ZNF709: variants seen among roughly 807,000 people sequenced by gnomAD.
The protein encoded by ZNF709 is zinc finger protein 709.
A neutral mutation model predicts 10.6 loss-of-function variants in ZNF709; 15 were observed. That is an observed-to-expected ratio of 1.41 (90% CI 0.95 to 2.18). ZNF709 has a LOEUF of 2.18. ZNF709 is among the 30% of genes most tolerant of loss of function. ZNF709 has a pLI of 0.00. For synonymous variants in ZNF709, 194 were observed against 238.8 expected (o/e 0.81, Z 1.73); for missense variants, 589 against 774.0 (o/e 0.76, Z 2.84).
chr19:12,473,185 G>A (rs1448094938), intron 1 of ZNF709, among the ~76,000 whole-genome samples: 2 of 152,172 alleles, frequency 1.3e-5, no homozygotes, highest in Admixed American at 6.5e-5. Context: ...CAAAACAATA[G>A]GATCAGTATT....
At chr19:12,470,304 C>T (rs1456854416) in intron 1 of ZNF709, among the ~76,000 whole-genome samples, 2 of 152,134 alleles carry the variant, frequency 1.3e-5, no homozygotes, top group Non-Finnish European at 2.9e-5. Context: ...CTAGAATTTA[C>T]CTATTTGGTA....
At chr19:12,479,116 A>G (rs963719898) in intron 1 of ZNF709, among the ~76,000 whole-genome samples, 1 of 152,106 alleles carries the variant, frequency 6.6e-6, no homozygotes, top group Non-Finnish European at 1.5e-5. Context: ...TAGCCTGAGC[A>G]ACATAGTAAG....
chr19:12,465,840 T>G (rs1970566000), intron 3 of ZNF709, 107 bp from the exon 4 acceptor site: 1 of 944,922 alleles, frequency 1.1e-6, no homozygotes, highest in Non-Finnish European at 1.4e-6. Context: ...AGAATTACAC[T>G]TTTGCCATTT....
chr19:12,462,311 C>A lies in ZNF709; in HGVS notation c.*1685G>T, dbSNP rs1479476999. The A allele has an allele frequency of 6.6e-6, 1 of 152,190 alleles. No homozygotes were observed. Among genetic ancestry groups the A allele is most frequent in the Non-Finnish European group, 1.5e-5 (1 of 68,046 alleles). 9.4% of individuals were successfully genotyped at this position (152,190 alleles called of 1,614,324 possible). A position where few individuals can be genotyped will look rare whatever the true frequency, so the allele number is the denominator to read the frequency against. ...CTTTCTTCACTTCTGCCTTCCATATCTCCTGCAAGTAGGCTATTGGTGAAT... is the reference window on the plus strand; with the variant it reads ...CTTTCTTCACTTCTGCCTTCCATATATCCTGCAAGTAGGCTATTGGTGAAT... On this transcript the variant is annotated 3_prime_UTR_variant, in exon 4 of 4. Transcript: ENST00000397732.
chr19:12,470,554 C>G (rs1201090052), intron 1 of ZNF709, among the ~76,000 whole-genome samples: 1 of 152,142 alleles, frequency 6.6e-6, no homozygotes, highest in African/African-American at 2.4e-5. Context: ...ATTCTGTGGT[C>G]TCCAAACATT....
At chr19:12,465,844 G>C in intron 3 of ZNF709, 111 bp from the exon 4 acceptor site, 2 of 879,990 alleles carry the variant, frequency 2.3e-6, no homozygotes, top group Non-Finnish European at 3.1e-6. Context: ...TTACACTTTT[G>C]CCATTTTCAG....
chr19:12,464,004 C>T lies in ZNF709; in HGVS notation c.1918G>A (p.Gly640Arg), dbSNP rs368416605. The change falls in exon 4 of 4, where the codon GGA becomes AGA. Residue 640 changes from glycine (G) to arginine (R), a missense_variant. Transcript: ENST00000397732. Reference protein sequence around the residue: ...SFRIHERVHSGE With the variant: ...SFRIHERVHSRE ...TGCTTATATACATAGGGTTACTCTC[C>T]ACTATGAACTCTTTCATGTATTCGA... The T allele has an allele frequency of 1.1e-5, 17 of 1,481,568 alleles. No homozygotes were observed. The highest frequency in any genetic ancestry group is 1.5e-5 in the Non-Finnish European group (17 of 1,117,160). 91.8% of individuals were successfully genotyped at this position (1,481,568 alleles called of 1,614,324 possible).
At chr19:12,471,398 C>T (rs750771428) in intron 1 of ZNF709, among the ~76,000 whole-genome samples, 10 of 152,072 alleles carry the variant, frequency 6.6e-5, no homozygotes, top group Non-Finnish European at 1.3e-4. Context: ...TTCTACAAAT[C>T]CCTAAAATAG....
chr19:12,479,780 G>A lies in ZNF709; in HGVS notation c.3+4875C>T, dbSNP rs180921469. Among the ~76,000 whole-genome samples, 334 of 152,260 alleles carry A rather than the reference G, an allele frequency of 2.2e-3. 1 individual carries two copies. The highest frequency in any genetic ancestry group is 3.7e-3 in the Non-Finnish European group (250 of 68,018). On this transcript the variant is annotated intron_variant, in intron 1 of 3. Transcript: ENST00000397732. The stretch of plus-strand genomic sequence containing the variant: ...AGCTACTCGCGAGGCTGAGGCAGGG[G>A]AATTGCTTGAACCTGGGAGTAGGAG...
rs1333516320 is a variant in ZNF709, at chr19:12,462,339, T to C, written c.*1657A>G. 6.6e-6 allele frequency: 1 copy of C among 152,230 alleles called. No individual in the cohort carries two copies. The highest frequency in any genetic ancestry group is 2.4e-5 in the African/African-American group (1 of 41,448). The allele number at this position is 152,230 out of a possible 1,614,324, so 9.4% of individuals were successfully genotyped here. On this transcript the variant is annotated 3_prime_UTR_variant, in exon 4 of 4. Transcript: ENST00000397732. ...CTGCAAGTAGGCTATTGGTGAATTA[T>C]ACCGTGGAGCCATAAAAGGTTAGAT...
At position 12,465,166 on chromosome 19, in the gene ZNF709, A is replaced by G; in HGVS notation, c.756T>C (p.Tyr252=). The G allele has an allele frequency of 6.2e-7, 1 of 1,613,666 alleles. No homozygotes were observed. The change falls in exon 4 of 4, where the codon TAT becomes TAC. Residue 252 remains tyrosine, a synonymous_variant. Transcript: ENST00000397732. The part of the protein sequence containing the change: ...HERTHSGEKP[Y]ECKQCGKAFR... ...AAGCTTTTCCACATTGTTTACATTC[A>G]TAGGGTTTCTCTCCAGAGTGAGTTC...
chr19:12,465,037 A>G lies in ZNF709; in HGVS notation c.885T>C (p.Phe295=). 1.9e-6 allele frequency: 3 copies of G among 1,612,548 alleles called. No individual in the cohort carries two copies. Among genetic ancestry groups the G allele is most frequent in the South Asian group, 2.2e-5 (2 of 90,666 alleles). The change falls in exon 4 of 4, where the codon TTT becomes TTC. Residue 295 remains phenylalanine (F), a synonymous_variant. Coordinates refer to ENST00000397732, the MANE Select transcript of ZNF709 (RefSeq NM_152601.4). ...CGKALSCPTS[F]RSHERIHTGE... is the part of the protein sequence containing the mutation. Reference sequence around the variant, plus strand: ...CAGTGTGAATCCTTTCATGACTTCGAAAGGATGTGGGACAACTAAGAGCTT... The same window carrying G: ...CAGTGTGAATCCTTTCATGACTTCGGAAGGATGTGGGACAACTAAGAGCTT...
chr19:12,467,763 G>C, intron 1 of ZNF709, among the ~76,000 whole-genome samples: 1 of 151,198 alleles, frequency 6.6e-6, no homozygotes, highest in South Asian at 2.1e-4. Context: ...GCCCCGTCTG[G>C]GATGTGAGGA....
At chr19:12,480,908 T>C (rs1599636566) in intron 1 of ZNF709, among the ~76,000 whole-genome samples, 1 of 152,006 alleles carries the variant, frequency 6.6e-6, no homozygotes, top group South Asian at 2.1e-4. Context: ...GCCTCCTGAG[T>C]AGCTGGGACT....
At chr19:12,475,254 T>A in intron 1 of ZNF709, among the ~76,000 whole-genome samples, 1 of 38,284 alleles carries the variant, frequency 2.6e-5, no homozygotes, top group Non-Finnish European at 7.1e-5. Context: ...TGAGATTCCG[T>A]CTTAAAAAAA....
chr19:12,463,974 CATATTGCTT>C lies in ZNF709; in HGVS notation c.*13_*21del. ...GAAATAGGACAACTGAAAACTTTGC[CATATTGCTT>C]ATATACATAGGGTTACTCTCCACTA... On this transcript the variant is annotated 3_prime_UTR_variant, in exon 4 of 4. Transcript: ENST00000397732. 1 of 1,347,930 alleles carries C rather than the reference CATATTGCTT, an allele frequency of 7.4e-7. No homozygotes were observed. The allele number at this position is 1,347,930 out of a possible 1,614,324, so 83.5% of individuals were successfully genotyped here.
intron 1 of ZNF709, among the ~76,000 whole-genome samples, chr19:12,482,192 C>T (rs902279815): frequency 2.0e-5 from 3 of 151,660 alleles, no homozygotes; most frequent in African/African-American, 7.3e-5. Context: ...CACGCTCCCT[C>T]TCCCTCTCCC....
intron 1 of ZNF709, among the ~76,000 whole-genome samples, chr19:12,472,851 C>G (rs1568247856): frequency 6.6e-6 from 1 of 151,954 alleles, no homozygotes. Context: ...CCACTGCACT[C>G]CAGCCTGGGT....
intron 1 of ZNF709, among the ~76,000 whole-genome samples, chr19:12,479,589 G>C (rs1409763893): frequency 1.3e-5 from 2 of 152,024 alleles, no homozygotes; most frequent in African/African-American, 4.8e-5. Context: ...ACTTAATCCA[G>C]GCCGGGTGCG....
Sources: allele counts gnomAD v4.1 joint callset (sites outside exome capture counted in the v4.1 genomes callset), GRCh38; gene constraint gnomAD v4.1.1; transcripts MANE v1.5; gene names NCBI Gene and HGNC (gene_info 2026-07-23, HGNC 2026-07-21).